Variants in CPEB3 observed in about 807,000 individuals in gnomAD.
The protein encoded by CPEB3 is cytoplasmic polyadenylation element-binding protein 3.
CPEB3 carries 20 observed loss-of-function variants against 67.2 expected under a neutral mutation model. That is an observed-to-expected ratio of 0.30 (90% confidence interval 0.21 to 0.43). The LOEUF is 0.43. CPEB3 is among the 20% of genes least tolerant of loss of function. The pLI, the probability that CPEB3 is intolerant of heterozygous loss-of-function variation, is 1.00. For synonymous variants in CPEB3, 376 were observed against 393.1 expected (o/e 0.96, Z 0.51); for missense variants, 746 against 968.6 (o/e 0.77, Z 3.05).
intron 6 of CPEB3, among the ~76,000 whole-genome samples, chr10:92,133,157 T>A (rs1359168752): frequency 2.0e-5 from 3 of 151,420 alleles, no homozygotes; most frequent in African/African-American, 2.4e-5. Flanking sequence ...AGGCAAGAAA[T>A]AACTAAGATC....
chr10:92,215,729 T>G (rs1454124287), intron 2 of CPEB3, among the ~76,000 whole-genome samples: 1 of 120,652 alleles, frequency 8.3e-6, no homozygotes, highest in Non-Finnish European at 1.7e-5. Flanking sequence ...GCATGAGCCA[T>G]GGCGCCTGGC....
chr10:92,171,570 G>C (rs1057122783), intron 4 of CPEB3, among the ~76,000 whole-genome samples: 1 of 152,192 alleles, frequency 6.6e-6, no homozygotes, highest in Admixed American at 6.5e-5. Context: ...ACAAAGGAAG[G>C]GGGGTAGAAT....
chr10:92,225,263 G>A (rs1002075530), intron 2 of CPEB3, among the ~76,000 whole-genome samples: 7 of 151,976 alleles, frequency 4.6e-5, no homozygotes, highest in African/African-American at 1.2e-4. Context: ...GTGAGCCACC[G>A]CGCCCAGCCT....
intron 8 of CPEB3, among the ~76,000 whole-genome samples, chr10:92,086,921 G>A (rs1412448370): frequency 6.6e-6 from 1 of 152,180 alleles, no homozygotes; most frequent in Non-Finnish European, 1.5e-5. Flanking sequence ...AGGTAATACA[G>A]TTAATCAAGT....
rs539951658 is a variant in CPEB3, at chr10:92,200,540, C to T, written c.1006-7904G>A. 7.2e-4 allele frequency among the ~76,000 whole-genome samples: 94 copies of T among 129,726 alleles called. 2 individuals carry two copies. Among genetic ancestry groups the T allele is most frequent in the Admixed American group, 6.8e-3 (82 of 12,004 alleles). 85.1% of individuals were successfully genotyped at this position (129,726 alleles called of 152,430 possible). A position where few individuals can be genotyped will look rare whatever the true frequency, so the allele number is the denominator to read the frequency against. ...AGCCTGGGTGACAAGAGTGAAACTC[C>T]GTCTCAAAAAAAAAAAAAAAAAAAA... On this transcript the variant is annotated intron_variant, in intron 2 of 9. Coordinates refer to ENST00000265997, the MANE Select transcript of CPEB3 (RefSeq NM_014912.5).
chr10:92,262,357 T>C (rs1852842110), intron 1 of CPEB3, among the ~76,000 whole-genome samples: 1 of 152,318 alleles, frequency 6.6e-6, no homozygotes, highest in East Asian at 1.9e-4. Flanking sequence ...ACAACAAATA[T>C]TTATTGAACT....
At chr10:92,057,531 C>T (rs1842158874) in intron 9 of CPEB3, among the ~76,000 whole-genome samples, 1 of 152,182 alleles carries the variant, frequency 6.6e-6, no homozygotes, top group Non-Finnish European at 1.5e-5. Flanking sequence ...ATCTCGCTGC[C>T]CTAAAGGGAA....
intron 4 of CPEB3, among the ~76,000 whole-genome samples, chr10:92,174,813 C>T (rs540362341): frequency 1.3e-5 from 2 of 152,194 alleles, no homozygotes; most frequent in African/African-American, 4.8e-5. Context: ...GGCAGGAAAA[C>T]TTTTAATTTA....
Position 92,240,123 on chromosome 10 carries a change from C to T in CPEB3, c.228G>A (p.Pro76=), listed in dbSNP as rs564766384. 1.2e-4 allele frequency: 186 copies of T among 1,573,562 alleles called. No homozygotes were observed. Among genetic ancestry groups the T allele is most frequent in the Non-Finnish European group, 2.1e-5 (24 of 1,159,262 alleles). The change falls in exon 2 of 10, where the codon CCG becomes CCA. Residue 76 remains proline (P), a synonymous_variant. Transcript: ENST00000265997. ...GATGGAAACTCAAGCCTGGCAGGAGCGGTGATTCCATCTGCATCTTGTCCG... is the reference window on the plus strand; with the variant it reads ...GATGGAAACTCAAGCCTGGCAGGAGTGGTGATTCCATCTGCATCTTGTCCG... ...NGPDKMQMES[P]LLPGLSFHQP...
chr10:92,129,709 A>G (rs1215327879), intron 6 of CPEB3, among the ~76,000 whole-genome samples: 4 of 151,796 alleles, frequency 2.6e-5, no homozygotes, highest in African/African-American at 7.3e-5. Flanking sequence ...AATTTAGGAG[A>G]AAAAAAATCC....
intron 9 of CPEB3, among the ~76,000 whole-genome samples, chr10:92,076,700 C>T (rs567118913): frequency 7.9e-5 from 12 of 152,114 alleles, no homozygotes; most frequent in Admixed American, 2.6e-4. Flanking sequence ...ACACATGAGC[C>T]ACTGTGCCTG....
At chr10:92,108,364 T>G (rs1844570975) in intron 7 of CPEB3, among the ~76,000 whole-genome samples, 3 of 152,108 alleles carry the variant, frequency 2.0e-5, no homozygotes, top group Admixed American at 1.3e-4. Context: ...AGTTCTTACT[T>G]TTTTTCCCCT....
At chr10:92,150,312 G>T (rs1183511746) in intron 4 of CPEB3, among the ~76,000 whole-genome samples, 1 of 150,322 alleles carries the variant, frequency 6.7e-6, no homozygotes, top group Non-Finnish European at 1.5e-5. Context: ...GGTTGGTCTT[G>T]AACTCCTGGG....
intron 6 of CPEB3, chr10:92,137,243 G>A (rs567548962): frequency 3.5e-6 from 2 of 564,440 alleles, no homozygotes; most frequent in South Asian, 4.1e-5. Context: ...GGTGCCTCCT[G>A]TCATGGCTGT....
At chr10:92,071,296 T>A (rs1006613791) in intron 9 of CPEB3, among the ~76,000 whole-genome samples, 4 of 152,214 alleles carry the variant, frequency 2.6e-5, no homozygotes, top group Non-Finnish European at 4.4e-5. Context: ...GCGGACAACA[T>A]GACCAAGCTG....
intron 1 of CPEB3, among the ~76,000 whole-genome samples, chr10:92,258,487 T>C (rs1476656626): frequency 6.6e-6 from 1 of 151,610 alleles, no homozygotes; most frequent in Non-Finnish European, 1.5e-5. Context: ...TAAATACTTA[T>C]AGCTGATGTT....
intron 1 of CPEB3, among the ~76,000 whole-genome samples, 164 bp downstream of exon 1, chr10:92,290,762 A>C (rs891072921): frequency 1.3e-5 from 2 of 152,068 alleles, no homozygotes; most frequent in Admixed American, 1.3e-4. Context: ...GGGGCTTCGG[A>C]AGGAGTTTCT....
chr10:92,251,958 A>G (rs1852319202), intron 1 of CPEB3, among the ~76,000 whole-genome samples: 1 of 151,928 alleles, frequency 6.6e-6, no homozygotes, highest in South Asian at 2.1e-4. Flanking sequence ...AAAAAAAAAA[A>G]AAGAAGTCAC....
At chr10:92,193,576 G>C (rs1296670759) in intron 2 of CPEB3, among the ~76,000 whole-genome samples, 1 of 151,700 alleles carries the variant, frequency 6.6e-6, no homozygotes, top group African/African-American at 2.4e-5. Context: ...TCCCACCTCA[G>C]CCTCCCTAGT....
Sources: gnomAD v4.1 joint callset for allele counts (sites outside exome capture counted in the v4.1 genomes callset) on GRCh38, gnomAD v4.1.1 for gene constraint, MANE v1.5 for transcripts, NCBI Gene and HGNC (gene_info 2026-07-23, HGNC 2026-07-21) for gene names.